Variants in DNAH12 observed in about 807,000 individuals in gnomAD.
The protein encoded by DNAH12 is axonemal beta dynein heavy chain 12.
In DNAH12, 285 loss-of-function variants were observed where a neutral mutation model predicts 371.5. The observed-to-expected ratio is 0.77, with a 90% CI of 0.70 to 0.85. DNAH12 has a LOEUF of 0.85. DNAH12 is among the 40% of genes least tolerant of loss of function. The pLI, the probability that DNAH12 is intolerant of heterozygous loss-of-function variation, is 0.00. For synonymous variants in DNAH12, 1,200 were observed against 1,213.0 expected, an observed-to-expected ratio of 0.99 and a Z score of 0.22; for missense variants, 3,611 against 3,689.4, an observed-to-expected ratio of 0.98 and a Z score of 0.55.
At chr3:57,447,593 AT>A (rs2065553144) in intron 25 of DNAH12, among the ~76,000 whole-genome samples, 2 of 149,174 alleles carry the variant, frequency 1.3e-5, no homozygotes. Flanking sequence ...AGTGATAAAT[AT>A]TTTTACTTTA....
chr3:57,350,887 C>T (rs1336873741), intron 60 of DNAH12, among the ~76,000 whole-genome samples: 3 of 152,188 alleles, frequency 2.0e-5, no homozygotes, highest in African/African-American at 7.2e-5. Context: ...AAGTGTTCAA[C>T]TTCATTAGTC....
chr3:57,489,574 T>G lies in DNAH12; in HGVS notation c.1449A>C (p.Lys483Asn). The G allele has an allele frequency of 6.5e-7, 1 of 1,538,488 alleles. No homozygotes were observed. Among genetic ancestry groups the G allele is most frequent in the African/African-American group, 1.4e-5 (1 of 72,278 alleles). ...CEDLKTGLTN[K>N]AKAFANILLN... is the part of the protein sequence containing the mutation. ...ATAATATGTTTGCAAAGGCTTTTGC[T>G]TTATTTGTCAGGCCTGTCTTCAAAT... is the stretch of plus-strand genomic sequence containing the variant. Residue 483 changes from lysine (K) to asparagine (N), a missense_variant, in exon 12 of 74, where the codon AAA becomes AAC. By Grantham distance (94) the Lys-to-Asn change is moderately conservative. Coordinates refer to ENST00000495027, the MANE Select transcript of DNAH12 (RefSeq NM_001366028.2).
rs146182367 is a variant in DNAH12 at position 57,409,705 on chromosome 3, G to A, written c.6021-1170C>T. 8.9e-4 allele frequency among the ~76,000 whole-genome samples: 135 copies of A among 152,180 alleles called. 1 individual carries two copies. Among genetic ancestry groups the A allele is most frequent in the Non-Finnish European group, 5.6e-4 (38 of 67,982 alleles). ...CTATAGTAATAACAAAAATGCAACT[G>A]TAAAATATGACTTAGCTTTGAAATT... is the stretch of plus-strand genomic sequence containing the variant. On this transcript the variant is annotated intron_variant, in intron 39 of 73. Coordinates refer to ENST00000495027, the MANE Select transcript of DNAH12 (RefSeq NM_001366028.2).
At position 57,516,052 on chromosome 3, in the gene DNAH12, T is replaced by TA. The variant is rs1284892128; in HGVS notation, c.280-5074_280-5073insT. Reference sequence around the variant, plus strand: ...TCCACTCCATTAATGTACTGCTTAGTCTTTTTTTTTTTTTTTTTTTTTTTT... The same window carrying TA: ...TCCACTCCATTAATGTACTGCTTAGTACTTTTTTTTTTTTTTTTTTTTTTTT... On this transcript the variant is annotated intron_variant, in intron 4 of 73. Transcript: ENST00000495027. 7.1e-4 allele frequency among the ~76,000 whole-genome samples: 80 copies of TA among 112,194 alleles called. 1 individual carries two copies. Among genetic ancestry groups the TA allele is most frequent in the African/African-American group, 2.6e-3 (72 of 27,744 alleles). The allele number at this position is 112,194 out of a possible 152,430, so 73.6% of individuals were successfully genotyped here.
intron 31 of DNAH12, 31 bp downstream of exon 31, chr3:57,433,614 A>T (rs1475579033): frequency 6.5e-7 from 1 of 1,532,528 alleles, no homozygotes; most frequent in Non-Finnish European, 8.8e-7. Context: ...ACTTTCCATA[A>T]GAGAGTTGGG....
intron 34 of DNAH12, 83 bp from the exon 35 acceptor site, chr3:57,425,224 A>G: frequency 1.5e-6 from 1 of 656,440 alleles, no homozygotes; most frequent in Admixed American, 2.5e-5. Flanking sequence ...AAAAACTGAT[A>G]AAAGCATACA....
rs1247013864 is a variant in DNAH12 at position 57,352,174 on chromosome 3, GA to G, written c.9584del (p.Phe3195SerfsTer41). On this transcript the variant is annotated frameshift_variant, in exon 60 of 74. Transcript: ENST00000495027. LOFTEE classifies it high-confidence loss of function. ...ATATATTACAATATAAGTTGTATGT[GA>G]AGTGGTCATTTAAATATCGTAGGCG... ...EKRLRYLNDH[F>X]TYNLYCNICR... The G allele has an allele frequency of 5.8e-6, 9 of 1,542,600 alleles. No homozygotes were observed. The highest frequency in any genetic ancestry group is 7.9e-6 in the Non-Finnish European group (9 of 1,144,808).
At chr3:57,452,788 C>T (rs898522194) in intron 25 of DNAH12, 55 bp downstream of exon 25, 92 of 1,460,728 alleles carry the variant, frequency 6.3e-5, no homozygotes, top group Admixed American at 1.5e-4. Context: ...GAAAAGATGA[C>T]GCTACAGCAA....
chr3:57,537,425 A>G (rs971135142), intron 2 of DNAH12, among the ~76,000 whole-genome samples: 4 of 152,082 alleles, frequency 2.6e-5, no homozygotes, highest in African/African-American at 9.7e-5. Flanking sequence ...GGCTCAGCCA[A>G]GCATTCCCAG....
intron 70 of DNAH12, among the ~76,000 whole-genome samples, chr3:57,301,068 T>C (rs2061333772): frequency 6.6e-6 from 1 of 151,940 alleles, no homozygotes; most frequent in Non-Finnish European, 1.5e-5. Context: ...GGTGGGAGGA[T>C]TGCTTGAGGT....
At chr3:57,484,625 T>C (rs6445896) in intron 12 of DNAH12, among the ~76,000 whole-genome samples, 101,691 of 151,986 alleles carry the variant, frequency 0.67, 34,270 homozygotes, top group South Asian at 0.75. Flanking sequence ...GGACATTGGC[T>C]TAGGCAAAGA....
At chr3:57,540,331 G>T (rs573666804) in intron 2 of DNAH12, among the ~76,000 whole-genome samples, 6 of 152,150 alleles carry the variant, frequency 3.9e-5, no homozygotes, top group Non-Finnish European at 8.8e-5. Context: ...GATTACAGGT[G>T]TAAGCCACCG....
intron 69 of DNAH12, among the ~76,000 whole-genome samples, chr3:57,305,906 G>A (rs1342436487): frequency 2.0e-5 from 3 of 152,172 alleles, no homozygotes; most frequent in African/African-American, 4.8e-5. Flanking sequence ...CGCCTGAACC[G>A]CAGCACCGAG....
intron 12 of DNAH12, 44 bp downstream of exon 12, chr3:57,489,465 C>T (rs1338855178): frequency 2.1e-6 from 3 of 1,449,848 alleles, no homozygotes; most frequent in South Asian, 2.9e-5. Context: ...CAAAATACTT[C>T]TTTTAGCCAT....
intron 11 of DNAH12, among the ~76,000 whole-genome samples, chr3:57,499,014 A>AAC (rs1559723402): frequency 6.6e-6 from 1 of 151,638 alleles, no homozygotes; most frequent in African/African-American, 2.4e-5. Flanking sequence ...CAAAAACAAA[A>AAC]ACACACACAC....
intron 4 of DNAH12, chr3:57,519,860 C>T (rs2068343914): frequency 2.0e-6 from 2 of 996,404 alleles, no homozygotes; most frequent in Non-Finnish European, 3.2e-6. Context: ...CTGCAGATGG[C>T]GCACATATCT....
chr3:57,390,408 C>A (rs1206553412), intron 45 of DNAH12, among the ~76,000 whole-genome samples: 25 of 6,080 alleles, frequency 4.1e-3, no homozygotes, highest in Admixed American at 0.02. Context: ...GATCCTGTCT[C>A]AAAAAAAAAA....
chr3:57,299,587 C>T (rs1280558386), intron 70 of DNAH12, among the ~76,000 whole-genome samples: 2 of 152,008 alleles, frequency 1.3e-5, no homozygotes, highest in South Asian at 2.1e-4. Context: ...TAGATTGAAA[C>T]CCTCATCTCC....
intron 12 of DNAH12, among the ~76,000 whole-genome samples, chr3:57,488,885 G>A (rs1183293129): frequency 6.6e-6 from 1 of 152,034 alleles, no homozygotes; most frequent in African/African-American, 2.4e-5. Context: ...TACCACAGCA[G>A]GCCCGATGTG....
Sources: allele counts gnomAD v4.1 joint callset (sites outside exome capture counted in the v4.1 genomes callset), GRCh38; gene constraint gnomAD v4.1.1; transcripts MANE v1.5; gene names NCBI Gene and HGNC (gene_info 2026-07-23, HGNC 2026-07-21).